SGCG: variants seen among roughly 807,000 people sequenced by gnomAD.
The protein encoded by SGCG is sarcoglycan gamma, also known as gamma-sarcoglycan.
A neutral mutation model predicts 29.3 loss-of-function variants in SGCG; 26 were observed. The observed-to-expected ratio is 0.89, with a 90% confidence interval of 0.65 to 1.23. The LOEUF (loss-of-function observed/expected upper bound fraction) is 1.23. Among genes scored for constraint, SGCG ranks in the 50% most tolerant of loss-of-function variants. The probability of loss-of-function intolerance (pLI) is 0.00; values close to 1 mark genes in which losing one functional copy is unlikely to be tolerated. For missense variants in SGCG, 353 were observed against 356.0 expected (o/e 0.99, Z 0.07); for synonymous variants, 145 against 129.7 (o/e 1.12, Z -0.80).
In SGCG at chr13:23,215,660, G is replaced by C. The variant is rs543514966; in HGVS notation, c.195+11771G>C. 1.4e-3 allele frequency among the ~76,000 whole-genome samples: 214 copies of C among 152,126 alleles called. 2 individuals are homozygous for C. Among genetic ancestry groups the C allele is most frequent in the African/African-American group, 4.9e-3 (205 of 41,498 alleles). On this transcript the variant is annotated intron_variant, in intron 2 of 7. Coordinates refer to ENST00000218867, the MANE Select transcript of SGCG (RefSeq NM_000231.3). ...TTTAGTATAACATGAAAAAGTACCTGCTACCCTGTTAAACTTCTCATTATA... is the reference window on the plus strand; with the variant it reads ...TTTAGTATAACATGAAAAAGTACCTCCTACCCTGTTAAACTTCTCATTATA...
chr13:23,287,963 C>T (rs1881560443), intron 5 of SGCG, among the ~76,000 whole-genome samples: 2 of 152,130 alleles, frequency 1.3e-5, no homozygotes, highest in African/African-American at 4.8e-5. Context: ...CCATGTTAGC[C>T]AGGATGGTCT....
At chr13:23,259,560 C>A (rs1880345704) in intron 4 of SGCG, among the ~76,000 whole-genome samples, 1 of 151,982 alleles carries the variant, frequency 6.6e-6, no homozygotes, top group Non-Finnish European at 1.5e-5. Context: ...CTGCTCTGAT[C>A]TTAGTTATTT....
intron 4 of SGCG, among the ~76,000 whole-genome samples, chr13:23,264,215 G>T (rs1174150125): frequency 1.3e-5 from 2 of 151,976 alleles, no homozygotes; most frequent in Non-Finnish European, 1.5e-5. Flanking sequence ...TAGATTTGAT[G>T]AATGAATTCA....
the SGCG span, among the ~76,000 whole-genome samples, chr13:23,165,767 T>A: frequency 6.6e-6 from 1 of 152,164 alleles, no homozygotes; most frequent in Non-Finnish European, 1.5e-5. Context: ...CCTCAGGTGA[T>A]CCACCTGCCT....
intron 6 of SGCG, 137 bp downstream of exon 6, chr13:23,295,624 T>G (rs1881877132): frequency 4.2e-6 from 3 of 721,748 alleles, no homozygotes; most frequent in Non-Finnish European, 7.4e-6. Flanking sequence ...ACTTTCCGCT[T>G]ATAACTAGAT....
At chr13:23,241,464 G>T (rs940987971) in intron 3 of SGCG, among the ~76,000 whole-genome samples, 2 of 151,984 alleles carry the variant, frequency 1.3e-5, no homozygotes, top group African/African-American at 2.4e-5. Flanking sequence ...TAACAACATC[G>T]AATTAGTAAT....
rs369911577 is a variant in SGCG at position 23,183,014 on chromosome 13, T to C, written c.-1+1939T>C. On this transcript the variant is annotated intron_variant, in intron 1 of 7. Transcript: ENST00000218867. ...CTCTGTTTTTAAAATGCTCAATTAA[T>C]TTTACTTGAGAAACATCTCTGGAAA... is the stretch of plus-strand genomic sequence containing the variant. 1.1e-3 allele frequency among the ~76,000 whole-genome samples: 173 copies of C among 152,318 alleles called. 5 individuals are homozygous for C. The South Asian group carries it at 0.035, about 30-fold the overall frequency.
At chr13:23,190,975 A>G (rs1312905750) in intron 1 of SGCG, among the ~76,000 whole-genome samples, 1 of 152,206 alleles carries the variant, frequency 6.6e-6, no homozygotes, top group East Asian at 1.9e-4. Context: ...GTGCAATCAA[A>G]CATGCCACAT....
At chr13:23,302,698 A>T (rs1477472370) in intron 6 of SGCG, among the ~76,000 whole-genome samples, 1 of 152,182 alleles carries the variant, frequency 6.6e-6, no homozygotes. Flanking sequence ...AAGATTTTTG[A>T]TAGTAACAAA....
intron 2 of SGCG, among the ~76,000 whole-genome samples, chr13:23,208,132 T>C (rs1409727201): frequency 1.3e-5 from 2 of 152,170 alleles, no homozygotes; most frequent in Admixed American, 1.3e-4. Context: ...CTGCATAGTT[T>C]TGAACTTGTA....
chr13:23,282,857 C>T (rs967189627), intron 5 of SGCG, among the ~76,000 whole-genome samples: 5 of 152,112 alleles, frequency 3.3e-5, no homozygotes, highest in South Asian at 2.1e-4. Flanking sequence ...CATTCTTAGC[C>T]ATTTAGTGGC....
rs544090425 is a variant in SGCG, at chr13:23,319,910, G to C, written c.579-727G>C. Reference sequence around the variant, plus strand: ...TATTTTTGGTTCTCTTTCTATATTTGGCTTAACCACAAGGAAAGTCTGATA... The same window carrying C: ...TATTTTTGGTTCTCTTTCTATATTTCGCTTAACCACAAGGAAAGTCTGATA... On this transcript the variant is annotated intron_variant, in intron 6 of 7. Transcript: ENST00000218867. 3.1e-4 allele frequency among the ~76,000 whole-genome samples: 47 copies of C among 152,172 alleles called. 1 individual carries two copies. The highest frequency in any genetic ancestry group is 5.1e-4 in the Non-Finnish European group (35 of 68,012).
chr13:23,173,327 C>G, the SGCG span, among the ~76,000 whole-genome samples: 1 of 152,164 alleles, frequency 6.6e-6, no homozygotes, highest in African/African-American at 2.4e-5. Flanking sequence ...TGCAGGCCTG[C>G]TTTCTTACTC....
intron 3 of SGCG, among the ~76,000 whole-genome samples, chr13:23,238,540 G>A (rs1439274218): frequency 6.6e-6 from 1 of 151,922 alleles, no homozygotes; most frequent in Non-Finnish European, 1.5e-5. Context: ...ATACAGAAGG[G>A]CATGGCTCAG....
intron 6 of SGCG, among the ~76,000 whole-genome samples, chr13:23,318,482 T>TAC (rs908729449): frequency 1.3e-5 from 2 of 150,662 alleles, no homozygotes; most frequent in African/African-American, 4.9e-5. Flanking sequence ...TATTTAATAT[T>TAC]ACACACACAC....
chr13:23,249,414 A>G (rs993860834), intron 3 of SGCG, among the ~76,000 whole-genome samples: 1 of 152,158 alleles, frequency 6.6e-6, no homozygotes, highest in African/African-American at 2.4e-5. Context: ...AGCTATTTCT[A>G]CCTTTAAAGC....
At chr13:23,201,021 G>A (rs1877730015) in intron 1 of SGCG, among the ~76,000 whole-genome samples, 1 of 152,102 alleles carries the variant, frequency 6.6e-6, no homozygotes, top group African/African-American at 2.4e-5. Flanking sequence ...GCAGAGGTGG[G>A]GCATGAGCCG....
intron 3 of SGCG, among the ~76,000 whole-genome samples, chr13:23,238,045 T>C (rs1879377016): frequency 1.3e-5 from 2 of 151,934 alleles, no homozygotes; most frequent in South Asian, 4.1e-4. Flanking sequence ...AAAAAAAATA[T>C]ATGAAACAGT....
intron 4 of SGCG, chr13:23,268,582 G>A (rs1028703674): frequency 2.0e-5 from 3 of 152,488 alleles, no homozygotes; most frequent in African/African-American, 4.8e-5. Flanking sequence ...CAGTAAAGAA[G>A]GGTGGGGAAG....
Sources: allele counts gnomAD v4.1 joint callset (sites outside exome capture counted in the v4.1 genomes callset), GRCh38; gene constraint gnomAD v4.1.1; transcripts MANE v1.5; gene names NCBI Gene and HGNC (gene_info 2026-07-23, HGNC 2026-07-21).